Variants in TBC1D1 observed in about 807,000 individuals in gnomAD.
TBC1D1 encodes TBC1 (tre-2/USP6, BUB2, cdc16) domain family, member 1.
In TBC1D1, 89 loss-of-function variants were observed where a neutral mutation model predicts 125.6. That is an observed-to-expected ratio of 0.71 (90% CI 0.60 to 0.85). TBC1D1 has a LOEUF of 0.85. TBC1D1 is among the 40% of genes least tolerant of loss of function. The pLI is 0.00. For synonymous variants in TBC1D1, 565 were observed against 564.1 expected (o/e 1.00, Z -0.02); for missense variants, 1,377 against 1,469.2 (o/e 0.94, Z 1.03).
At chr4:38,004,808 T>A (rs925984311) in intron 2 of TBC1D1, among the ~76,000 whole-genome samples, 1 of 152,256 alleles carries the variant, frequency 6.6e-6, no homozygotes, top group Non-Finnish European at 1.5e-5. Context: ...TGTATTGAAC[T>A]AATTTTTAGA....
intron 2 of TBC1D1, among the ~76,000 whole-genome samples, chr4:37,994,564 G>A (rs908231253): frequency 2.0e-5 from 3 of 152,180 alleles, no homozygotes; most frequent in African/African-American, 7.2e-5. Context: ...CCATTTTTGA[G>A]AAGAGTGGAG....
At chr4:38,059,806 T>G (rs1752435546) in intron 12 of TBC1D1, among the ~76,000 whole-genome samples, 1 of 152,216 alleles carries the variant, frequency 6.6e-6, no homozygotes, top group South Asian at 2.1e-4. Flanking sequence ...GGTGGTTTGC[T>G]GTACCTATCA....
chr4:37,961,968 A>G (rs1242454886), intron 2 of TBC1D1, among the ~76,000 whole-genome samples: 1 of 152,362 alleles, frequency 6.6e-6, no homozygotes, highest in African/African-American at 2.4e-5. Flanking sequence ...CTTCCATGCT[A>G]TTTTAAAACT....
intron 13 of TBC1D1, among the ~76,000 whole-genome samples, chr4:38,094,044 T>G (rs1049456371): frequency 6.6e-6 from 1 of 152,226 alleles, no homozygotes; most frequent in African/African-American, 2.4e-5. Context: ...AACATTTTTC[T>G]TAGTTAAATA....
At chr4:37,919,349 T>C (rs1720431567) in intron 2 of TBC1D1, among the ~76,000 whole-genome samples, 1 of 151,372 alleles carries the variant, frequency 6.6e-6, no homozygotes, top group Non-Finnish European at 1.5e-5. Flanking sequence ...TGTTTTTTTT[T>C]TTTTTTGGTA....
chr4:37,925,696 A>G (rs13146745), intron 2 of TBC1D1, among the ~76,000 whole-genome samples: 32 of 147,610 alleles, frequency 2.2e-4, no homozygotes, highest in African/African-American at 4.7e-4. Context: ...AAAAAAAAAA[A>G]AGAGAGAAAA....
intron 2 of TBC1D1, among the ~76,000 whole-genome samples, chr4:37,918,070 A>C (rs1720101401): frequency 6.6e-6 from 1 of 152,208 alleles, no homozygotes; most frequent in South Asian, 2.1e-4. Context: ...CATGCTTTAG[A>C]GGGATTCACA....
chr4:37,914,412 T>C (rs1719268217), intron 2 of TBC1D1, among the ~76,000 whole-genome samples: 1 of 152,196 alleles, frequency 6.6e-6, no homozygotes, highest in Non-Finnish European at 1.5e-5. Flanking sequence ...AGGAGTCGTC[T>C]TCGATTTCTC....
At chr4:37,973,246 A>T (rs1732414356) in intron 2 of TBC1D1, among the ~76,000 whole-genome samples, 2 of 152,134 alleles carry the variant, frequency 1.3e-5, no homozygotes, top group African/African-American at 4.8e-5. Flanking sequence ...ACCTTAGACA[A>T]ATTCTAACCC....
At chr4:37,934,083 C>G (rs368496116) in intron 2 of TBC1D1, among the ~76,000 whole-genome samples, 1 of 152,182 alleles carries the variant, frequency 6.6e-6, no homozygotes, top group African/African-American at 2.4e-5. Flanking sequence ...GCCCTCCAGA[C>G]TGACTGGGAG....
intron 1 of TBC1D1, among the ~76,000 whole-genome samples, chr4:37,896,671 T>A (rs1301387165): frequency 2.0e-5 from 3 of 151,884 alleles, no homozygotes; most frequent in African/African-American, 7.3e-5. Flanking sequence ...GAAGTTGGGG[T>A]TCTCTGCAGC....
At chr4:38,117,760 G>A (rs143431320) in intron 16 of TBC1D1, among the ~76,000 whole-genome samples, 31 of 152,312 alleles carry the variant, frequency 2.0e-4, no homozygotes, top group African/African-American at 6.7e-4. Context: ...GATCTTCTTA[G>A]TGGAGGAATA....
In TBC1D1 at chr4:38,115,839, T is replaced by C. The variant is rs1762894353; in HGVS notation, c.2687T>C (p.Val896Ala). The C allele has an allele frequency of 6.2e-7, 1 of 1,614,088 alleles. No homozygotes were observed. The highest frequency in any genetic ancestry group is 1.7e-5 in the Admixed American group (1 of 60,006). The change falls in exon 16 of 20, where the codon GTA becomes GCA. Residue 896 changes from valine (V) to alanine (A), a missense_variant. Val to Ala is a moderately conservative substitution (Grantham distance 64, BLOSUM62 0). Transcript: ENST00000261439. ...GGATATTGCCAAGGTCTCAGCTTTG[T>C]AGCAGGCATTTTGCTTCTTCATATG...
intron 2 of TBC1D1, among the ~76,000 whole-genome samples, chr4:37,978,345 C>T (rs1327528502): frequency 6.6e-6 from 1 of 152,362 alleles, no homozygotes; most frequent in East Asian, 1.9e-4. Flanking sequence ...ATCTTGCTGT[C>T]ACCCCATGCA....
intron 17 of TBC1D1, among the ~76,000 whole-genome samples, 191 bp from the exon 20 acceptor site, chr4:38,124,771 A>G (rs1321314632): frequency 6.6e-6 from 1 of 152,168 alleles, no homozygotes; most frequent in Admixed American, 6.6e-5. Context: ...TTTAATGTTT[A>G]TGTACTTTTA....
At chr4:38,037,292 A>G (rs568035672) in intron 8 of TBC1D1, among the ~76,000 whole-genome samples, 1 of 151,688 alleles carries the variant, frequency 6.6e-6, no homozygotes, top group Non-Finnish European at 1.5e-5. Context: ...TTTTTACCCA[A>G]AAAAACATAA....
intron 2 of TBC1D1, among the ~76,000 whole-genome samples, chr4:37,982,208 A>G (rs564188717): frequency 6.6e-6 from 1 of 152,294 alleles, no homozygotes; most frequent in Admixed American, 6.5e-5. Flanking sequence ...CCTTCTGTTT[A>G]CCAGCACACA....
In TBC1D1 at chr4:38,138,474, C is replaced by A. The variant is rs576578910; in HGVS notation, c.*1139C>A. The A allele has an allele frequency of 6.6e-6, 1 of 152,602 alleles. No homozygotes were observed. Among genetic ancestry groups the A allele is most frequent in the South Asian group, 2.1e-4 (1 of 4,822 alleles). The allele number at this position is 152,602 out of a possible 1,614,324, so 9.5% of individuals were successfully genotyped here. A position where few individuals can be genotyped will look rare whatever the true frequency, so the allele number is the denominator to read the frequency against. ...TCTGGGACTTTCAAAAAAAAAAGAT[C>A]AGGCTGAAACTGCAGTCAGATTTAT... is the stretch of plus-strand genomic sequence containing the variant. On this transcript the variant is annotated 3_prime_UTR_variant, in exon 20 of 20. Coordinates refer to ENST00000261439, the MANE Select transcript of TBC1D1 (RefSeq NM_015173.4).
At chr4:37,925,811 C>T (rs1182767625) in intron 2 of TBC1D1, among the ~76,000 whole-genome samples, 1 of 150,810 alleles carries the variant, frequency 6.6e-6, no homozygotes, top group African/African-American at 2.5e-5. Flanking sequence ...GATAACTGTT[C>T]TAAAAAAAAA....
Sources: gnomAD v4.1 joint callset for allele counts (sites outside exome capture counted in the v4.1 genomes callset) on GRCh38, gnomAD v4.1.1 for gene constraint, MANE v1.5 for transcripts, NCBI Gene and HGNC (gene_info 2026-07-23, HGNC 2026-07-21) for gene names.